Variants in MACROD2 observed in about 807,000 individuals in gnomAD.
MACROD2 encodes the protein mono-ADP ribosylhydrolase 2, also known as ADP-ribose glycohydrolase MACROD2.
In MACROD2, 36 loss-of-function variants were observed where a neutral mutation model predicts 70.4. The ratio of observed to expected loss-of-function variants is 0.51; its 90% CI spans 0.39 to 0.68. MACROD2 has a LOEUF of 0.68. Ranked by LOEUF, MACROD2 falls within the 30% of genes least tolerant of loss-of-function variation. The probability of loss-of-function intolerance (pLI) is 0.00; values close to 1 mark genes in which losing one functional copy is unlikely to be tolerated. For missense variants in MACROD2, 496 were observed against 538.4 expected (o/e 0.92, Z 0.78); for synonymous variants, 172 against 178.8 (o/e 0.96, Z 0.30).
chr20:14,078,628 G>T (rs4461328), intron 2 of MACROD2, among the ~76,000 whole-genome samples: 1 of 151,844 alleles, frequency 6.6e-6, no homozygotes, highest in African/African-American at 2.4e-5. Flanking sequence ...GGCCGGTCTC[G>T]AACTCCTGAC....
intron 4 of MACROD2, among the ~76,000 whole-genome samples, chr20:14,617,274 C>T (rs538063554): frequency 2.0e-5 from 3 of 152,216 alleles, no homozygotes; most frequent in Non-Finnish European, 4.4e-5. Flanking sequence ...CATCCTAAGT[C>T]ATTAGTGTGT....
intron 5 of MACROD2, among the ~76,000 whole-genome samples, chr20:15,146,177 CTTTG>C (rs1379747164): frequency 5.3e-5 from 8 of 152,168 alleles, no homozygotes; most frequent in Non-Finnish European, 2.9e-5. Flanking sequence ...ATTTTCTGCT[CTTTG>C]TTTAATCTTT....
chr20:15,402,538 T>A (rs2146310474), intron 6 of MACROD2, among the ~76,000 whole-genome samples: 1 of 152,312 alleles, frequency 6.6e-6, no homozygotes, highest in African/African-American at 2.4e-5. Flanking sequence ...TTCATCTCTT[T>A]GAGATCAAAT....
At chr20:15,127,044 AG>A (rs1299625743) in intron 5 of MACROD2, among the ~76,000 whole-genome samples, 1 of 152,130 alleles carries the variant, frequency 6.6e-6, no homozygotes, top group African/African-American at 2.4e-5. Flanking sequence ...ATGTACACCT[AG>A]GGCAGAACAC....
intron 8 of MACROD2, among the ~76,000 whole-genome samples, chr20:15,604,876 A>G (rs572403260): frequency 5.3e-5 from 8 of 152,302 alleles, no homozygotes; most frequent in Non-Finnish European, 1.0e-4. Flanking sequence ...AACACATTTC[A>G]AAAGTGTCCA....
At chr20:15,909,485 C>T (rs996178484) in intron 10 of MACROD2, among the ~76,000 whole-genome samples, 1 of 148,156 alleles carries the variant, frequency 6.7e-6, no homozygotes, top group African/African-American at 2.5e-5. Context: ...TGATCTGCTT[C>T]AGTATCATAC....
At chr20:15,652,891 G>A (rs1161916762) in intron 8 of MACROD2, among the ~76,000 whole-genome samples, 2 of 152,142 alleles carry the variant, frequency 1.3e-5, no homozygotes, top group African/African-American at 4.8e-5. Context: ...ATAGAAAAAT[G>A]CACAGAAGTC....
intron 8 of MACROD2, among the ~76,000 whole-genome samples, chr20:15,785,017 T>G (rs1372533027): frequency 6.6e-6 from 1 of 151,488 alleles, no homozygotes; most frequent in Admixed American, 6.6e-5. Flanking sequence ...CCGGGCATGG[T>G]GGCGGGCGCC....
intron 4 of MACROD2, among the ~76,000 whole-genome samples, chr20:14,558,686 A>G (rs1239492375): frequency 6.6e-6 from 1 of 151,810 alleles, no homozygotes; most frequent in African/African-American, 2.4e-5. Context: ...AAATATGTGA[A>G]GCAAAATGAA....
chr20:14,321,331 C>T (rs1010140247), intron 3 of MACROD2, among the ~76,000 whole-genome samples: 5 of 150,856 alleles, frequency 3.3e-5, no homozygotes, highest in African/African-American at 1.2e-4. Context: ...TGCCACTGCA[C>T]TCCAGCCTGG....
At chr20:15,543,839 A>T (rs1380166605) in intron 8 of MACROD2, among the ~76,000 whole-genome samples, 1 of 152,188 alleles carries the variant, frequency 6.6e-6, no homozygotes, top group Non-Finnish European at 1.5e-5. Flanking sequence ...CCTGTCTTTT[A>T]TCCGTTTCCC....
At chr20:15,819,492 T>C (rs1306748873) in intron 8 of MACROD2, among the ~76,000 whole-genome samples, 1 of 146,324 alleles carries the variant, frequency 6.8e-6, no homozygotes, top group African/African-American at 2.5e-5. Context: ...TATATTGATA[T>C]ATAAATATAT....
intron 6 of MACROD2, among the ~76,000 whole-genome samples, chr20:15,235,582 A>G (rs1206487324): frequency 2.0e-5 from 3 of 152,310 alleles, no homozygotes; most frequent in African/African-American, 7.2e-5. Flanking sequence ...GTTCCACTGT[A>G]GTGTAGGTTT....
chr20:14,930,766 TAA>T (rs11474347), intron 5 of MACROD2, among the ~76,000 whole-genome samples: 2,718 of 71,580 alleles, frequency 0.038, 110 homozygotes, highest in African/African-American at 0.13. Flanking sequence ...GAGCGTGTCT[TAA>T]AAAAAAAAAA....
chr20:15,771,475 G>A (rs73244070), intron 8 of MACROD2, among the ~76,000 whole-genome samples: 11 of 151,354 alleles, frequency 7.3e-5, no homozygotes, highest in East Asian at 1.9e-4. Context: ...GAACCATCAC[G>A]CCCTGCCAGA....
At chr20:14,970,396 G>GT (rs1226550767) in intron 5 of MACROD2, among the ~76,000 whole-genome samples, 1 of 151,844 alleles carries the variant, frequency 6.6e-6, no homozygotes, top group Non-Finnish European at 1.5e-5. Context: ...TCGTTTAAGT[G>GT]TTTTTTCAAG....
intron 6 of MACROD2, among the ~76,000 whole-genome samples, chr20:15,300,904 G>A (rs6043192): frequency 0.23 from 35,538 of 152,154 alleles, 4,350 homozygotes; most frequent in African/African-American, 0.28. Context: ...GGAATGGGCT[G>A]TTCCTTGTCC....
In MACROD2 at chr20:14,070,078, C is replaced by T. The variant is rs1007223354; in HGVS notation, c.164-15543C>T. On this transcript the variant is annotated intron_variant, in intron 2 of 17. Coordinates refer to ENST00000684519, the MANE Select transcript of MACROD2 (RefSeq NM_001351661.2). ...GACTGTAGAACTGCCTGGTTAACCACAAGCTAATGAGCAATATAAAGGATG... is the reference window on the plus strand; with the variant it reads ...GACTGTAGAACTGCCTGGTTAACCATAAGCTAATGAGCAATATAAAGGATG... Among the ~76,000 whole-genome samples, 4 of 152,084 alleles carry T rather than the reference C, an allele frequency of 2.6e-5. No individual in the cohort carries two copies. In the East Asian group the frequency reaches 5.8e-4, roughly 22 times the overall value.
At chr20:14,274,583 G>T (rs1328466849) in intron 3 of MACROD2, among the ~76,000 whole-genome samples, 1 of 152,032 alleles carries the variant, frequency 6.6e-6, no homozygotes, top group Non-Finnish European at 1.5e-5. Context: ...TTGAAAACTG[G>T]CACAAGACAG....
Sources: allele counts gnomAD v4.1 joint callset (sites outside exome capture counted in the v4.1 genomes callset), GRCh38; gene constraint gnomAD v4.1.1; transcripts MANE v1.5; gene names NCBI Gene and HGNC (gene_info 2026-07-23, HGNC 2026-07-21).